PATJ: variants seen among roughly 807,000 people sequenced by gnomAD.
The protein encoded by PATJ is PATJ crumbs cell polarity complex component, also known as inaD-like protein.
In PATJ, 190 loss-of-function variants were observed where a neutral mutation model predicts 224.9. The ratio of observed to expected loss-of-function variants is 0.84; its 90% CI spans 0.75 to 0.95. The LOEUF (loss-of-function observed/expected upper bound fraction) is 0.95. PATJ is among the 40% of genes least tolerant of loss of function. PATJ has a pLI of 0.00. For synonymous variants in PATJ, 769 were observed against 820.3 expected (o/e 0.94, Z 1.07); for missense variants, 2,121 against 2,270.3 (o/e 0.93, Z 1.34).
intron 26 of PATJ, among the ~76,000 whole-genome samples, chr1:61,918,857 G>A (rs998039543): frequency 2.0e-5 from 3 of 151,980 alleles, no homozygotes; most frequent in Non-Finnish European, 4.4e-5. Context: ...CAGCTACTTG[G>A]GAGGCTGAGC....
intron 27 of PATJ, among the ~76,000 whole-genome samples, chr1:61,949,484 G>C (rs1264061224): frequency 2.0e-5 from 3 of 152,090 alleles, no homozygotes; most frequent in African/African-American, 7.2e-5. Context: ...ATTATACTCA[G>C]TAAAACTTTT....
intron 8 of PATJ, among the ~76,000 whole-genome samples, chr1:61,789,436 C>G (rs768320295): frequency 2.0e-5 from 3 of 152,168 alleles, no homozygotes; most frequent in Non-Finnish European, 4.4e-5. Context: ...AGATGTCATT[C>G]TGTGTATTCT....
intron 16 of PATJ, 152 bp from the exon 17 acceptor site, chr1:61,833,502 G>A: frequency 1.6e-6 from 1 of 643,308 alleles, no homozygotes; most frequent in East Asian, 3.1e-5. Context: ...GTGCCCCAGA[G>A]CATGCCCCTT....
chr1:61,886,910 G>A (rs1476571036), intron 22 of PATJ, among the ~76,000 whole-genome samples: 1 of 151,038 alleles, frequency 6.6e-6, no homozygotes, highest in Non-Finnish European at 1.5e-5. Context: ...AAGGCTGGAA[G>A]GTTGATGCAG....
rs1364714442 is a variant in PATJ at position 62,114,098 on chromosome 1, A to T, written c.4507A>T (p.Thr1503Ser). 6.2e-7 allele frequency: 1 copy of T among 1,614,166 alleles called. No individual in the cohort carries two copies. The highest frequency in any genetic ancestry group is 1.7e-5 in the Admixed American group (1 of 60,012). ...GAACTCCAGCCACGAAGAAGCCATC[A>T]CAGCCCTGAGGCAGACCCCCCAGAA... ...LRNSSHEEAI[T>S]ALRQTPQKVR... The change falls in exon 35 of 44, where the codon ACA becomes TCA. Residue 1503 changes from threonine to serine, a missense_variant. Coordinates refer to ENST00000642238, the MANE Select transcript of PATJ (RefSeq NM_001350145.3).
At chr1:61,854,304 G>C (rs1395998253) in intron 17 of PATJ, among the ~76,000 whole-genome samples, 3 of 152,200 alleles carry the variant, frequency 2.0e-5, no homozygotes, top group Non-Finnish European at 4.4e-5. Flanking sequence ...TTGTGGAACA[G>C]CATGTGCATA....
intron 26 of PATJ, among the ~76,000 whole-genome samples, chr1:61,923,227 G>A (rs1674590875): frequency 6.6e-6 from 1 of 152,154 alleles, no homozygotes; most frequent in African/African-American, 2.4e-5. Context: ...GTCTTTTAGT[G>A]GTTGCAGAAT....
intron 26 of PATJ, among the ~76,000 whole-genome samples, chr1:61,919,736 A>G (rs1248052241): frequency 6.6e-6 from 1 of 152,042 alleles, no homozygotes; most frequent in East Asian, 1.9e-4. Context: ...TTTCTCTTTG[A>G]CCCAAAATGT....
At chr1:62,033,712 A>G (rs1023173956) in intron 29 of PATJ, among the ~76,000 whole-genome samples, 1 of 152,196 alleles carries the variant, frequency 6.6e-6, no homozygotes, top group African/African-American at 2.4e-5. Context: ...GGCCGACTAC[A>G]GGCAGCACAG....
At chr1:61,983,594 G>A (rs1012915176) in intron 27 of PATJ, among the ~76,000 whole-genome samples, 2 of 151,984 alleles carry the variant, frequency 1.3e-5, no homozygotes, top group African/African-American at 4.8e-5. Flanking sequence ...AGCATTGTTT[G>A]GAGCAATGTC....
At chr1:62,126,418 G>GT (rs1224432194) in intron 39 of PATJ, among the ~76,000 whole-genome samples, 2 of 152,150 alleles carry the variant, frequency 1.3e-5, no homozygotes, top group Non-Finnish European at 2.9e-5. Context: ...ACAGGTAGTT[G>GT]TTTTTTACAT....
intron 34 of PATJ, among the ~76,000 whole-genome samples, chr1:62,113,577 A>G (rs889375298): frequency 1.3e-5 from 2 of 152,194 alleles, no homozygotes; most frequent in Non-Finnish European, 2.9e-5. Flanking sequence ...TCAAGGCTGC[A>G]GTAAGCCAGC....
intron 29 of PATJ, among the ~76,000 whole-genome samples, chr1:62,026,462 T>TTGTG (rs200824830): frequency 0.02 from 2,434 of 123,524 alleles, 25 homozygotes; most frequent in South Asian, 0.038. Flanking sequence ...TATTCAACAT[T>TTGTG]TGTGTGTGTG....
At chr1:61,984,599 G>A (rs755783984) in intron 27 of PATJ, among the ~76,000 whole-genome samples, 7 of 152,016 alleles carry the variant, frequency 4.6e-5, no homozygotes, top group Non-Finnish European at 1.0e-4. Context: ...TCATCTGTTA[G>A]CATTTAGGCA....
intron 15 of PATJ, among the ~76,000 whole-genome samples, chr1:61,823,599 G>C (rs866490369): frequency 1.2e-4 from 19 of 152,256 alleles, no homozygotes; most frequent in Middle Eastern, 3.4e-3. Flanking sequence ...AAGGTCTTGG[G>C]GAATGGTCAC....
At position 61,955,557 on chromosome 1, in the gene PATJ, G is replaced by A. The variant is rs116774615; in HGVS notation, c.3670+27728G>A. 5.4e-3 allele frequency among the ~76,000 whole-genome samples: 818 copies of A among 152,228 alleles called. 5 individuals carry two copies. The highest frequency in any genetic ancestry group is 0.027 in the Middle Eastern group (8 of 294). On this transcript the variant is annotated intron_variant, in intron 27 of 43. Coordinates refer to ENST00000642238, the MANE Select transcript of PATJ (RefSeq NM_001350145.3). The stretch of plus-strand genomic sequence containing the variant: ...GTGTAACAGAGTTCTAAAACTTTAA[G>A]TTCAAGAATTTATTTTCTGAAATAG...
intron 1 of PATJ, among the ~76,000 whole-genome samples, chr1:61,744,771 T>TC (rs1217109000): frequency 6.6e-6 from 1 of 152,132 alleles, no homozygotes; most frequent in Non-Finnish European, 1.5e-5. Flanking sequence ...TAGTGTCAGA[T>TC]CCCATAAGAC....
chr1:61,837,055 C>A (rs979012894), intron 17 of PATJ, among the ~76,000 whole-genome samples: 1 of 152,170 alleles, frequency 6.6e-6, no homozygotes, highest in Non-Finnish European at 1.5e-5. Flanking sequence ...TTCTCTAGAA[C>A]AAGAACTTTT....
intron 1 of PATJ, among the ~76,000 whole-genome samples, chr1:61,744,163 TAGTC>T (rs1232454450): frequency 2.0e-5 from 3 of 151,026 alleles, no homozygotes; most frequent in Non-Finnish European, 4.4e-5. Context: ...GCTTTTTAAA[TAGTC>T]AGGTGTGTCG....
Sources: allele counts gnomAD v4.1 joint callset (sites outside exome capture counted in the v4.1 genomes callset), GRCh38; gene constraint gnomAD v4.1.1; transcripts MANE v1.5; gene names NCBI Gene and HGNC (gene_info 2026-07-23, HGNC 2026-07-21).